The following KANSL1 variants were observed in gnomAD, a reference collection of about 807,000 sequenced individuals.
KANSL1 encodes the protein MLL1/MLL complex subunit KANSL1.
KANSL1 carries 22 observed loss-of-function variants against 103.6 expected under a neutral mutation model. The observed-to-expected ratio is 0.21, with a 90% confidence interval of 0.15 to 0.30. The LOEUF is 0.30. KANSL1 is among the 10% of genes least tolerant of loss of function. The pLI is 1.00. For missense variants in KANSL1, 1,337 were observed against 1,399.8 expected, an observed-to-expected ratio of 0.96 and a Z score of 0.72; for synonymous variants, 600 against 527.6, an observed-to-expected ratio of 1.14 and a Z score of -1.88.
At chr17:46,051,066 G>A (rs1461057380) in intron 6 of KANSL1, among the ~76,000 whole-genome samples, 7 of 152,308 alleles carry the variant, frequency 4.6e-5, no homozygotes, top group Admixed American at 1.3e-4. Context: ...CGACCTTGAT[G>A]GTCCGCTAAG....
chr17:46,123,085 T>G (rs1188539386), intron 2 of KANSL1, among the ~76,000 whole-genome samples: 1 of 152,224 alleles, frequency 6.6e-6, no homozygotes, highest in African/African-American at 2.4e-5. Context: ...AGAAAAGAAT[T>G]TTTTTTAGAG....
At chr17:46,210,806 A>C (rs2048144918) in intron 1 of KANSL1, among the ~76,000 whole-genome samples, 1 of 152,252 alleles carries the variant, frequency 6.6e-6, no homozygotes, top group Non-Finnish European at 1.5e-5. Context: ...ACATTTGCAA[A>C]AACTAAGATT....
chr17:46,175,803 T>C (rs769645761), intron 1 of KANSL1, among the ~76,000 whole-genome samples: 2 of 152,246 alleles, frequency 1.3e-5, no homozygotes, highest in Non-Finnish European at 2.9e-5. Flanking sequence ...TATGTTGTCT[T>C]TTCCCATTTC....
intron 1 of KANSL1, among the ~76,000 whole-genome samples, chr17:46,211,623 A>G (rs182010641): frequency 7.9e-5 from 12 of 152,374 alleles, no homozygotes; most frequent in African/African-American, 2.9e-4. Flanking sequence ...CAATGCTGAC[A>G]AAGATCCTGG....
intron 6 of KANSL1, among the ~76,000 whole-genome samples, chr17:46,057,386 A>C (rs1461092036): frequency 1.3e-5 from 2 of 152,198 alleles, no homozygotes; most frequent in Admixed American, 6.5e-5. Flanking sequence ...CTTCTGTACA[A>C]ACTGTACCTC....
intron 2 of KANSL1, among the ~76,000 whole-genome samples, chr17:46,100,753 G>A (rs2042278106): frequency 6.6e-6 from 1 of 152,154 alleles, no homozygotes; most frequent in Non-Finnish European, 1.5e-5. Flanking sequence ...TGGGAAATTT[G>A]TATGTCAATC....
intron 2 of KANSL1, among the ~76,000 whole-genome samples, chr17:46,153,436 GT>G (rs1296320000): frequency 3.9e-5 from 6 of 152,180 alleles, no homozygotes; most frequent in African/African-American, 1.2e-4. Flanking sequence ...GGATTAACTA[GT>G]AAATATATAA....
At chr17:46,103,068 T>C (rs913384533) in intron 2 of KANSL1, among the ~76,000 whole-genome samples, 3 of 152,354 alleles carry the variant, frequency 2.0e-5, no homozygotes, top group Admixed American at 6.5e-5. Flanking sequence ...AATGGTTATG[T>C]GGTTAGAACT....
chr17:46,203,023 G>A (rs2047853725), intron 1 of KANSL1, among the ~76,000 whole-genome samples: 1 of 152,204 alleles, frequency 6.6e-6, no homozygotes, highest in Admixed American at 6.5e-5. Context: ...CTAGAACTCA[G>A]GAGTTCGAGA....
At position 46,062,114 on chromosome 17, in the gene KANSL1, C is replaced by CAAAAAA. The variant is rs1192815524; in HGVS notation, c.1848+4422_1848+4423insTTTTTT. Among the ~76,000 whole-genome samples the CAAAAAA allele has an allele frequency of 2.2e-3, 83 of 37,076 alleles. 1 individual carries two copies. Among genetic ancestry groups the CAAAAAA allele is most frequent in the African/African-American group, 3.5e-3 (52 of 14,764 alleles). 24.3% of individuals were successfully genotyped at this position (37,076 alleles called of 152,430 possible). ...CTCAAAAAAAAAAAAAAAAAACAAA[C>CAAAAAA]AAACAAAAAAAAAAAAAAAACATGT... On this transcript the variant is annotated intron_variant, in intron 6 of 14. Coordinates refer to ENST00000432791, the MANE Select transcript of KANSL1 (RefSeq NM_015443.4).
At chr17:46,050,408 A>C (rs1346853468) in intron 7 of KANSL1, 125 bp downstream of exon 7, 1 of 958,688 alleles carries the variant, frequency 1.0e-6, no homozygotes. Flanking sequence ...CTAAGAGAAG[A>C]CTTGGTTGAC....
At chr17:46,086,100 T>C (rs775565850) in intron 3 of KANSL1, among the ~76,000 whole-genome samples, 3 of 152,256 alleles carry the variant, frequency 2.0e-5, no homozygotes, top group African/African-American at 7.2e-5. Flanking sequence ...ATAATAATTA[T>C]AGCCAGAAGA....
intron 2 of KANSL1, among the ~76,000 whole-genome samples, chr17:46,121,779 T>C (rs2043291495): frequency 6.6e-6 from 1 of 152,200 alleles, no homozygotes; most frequent in Admixed American, 6.5e-5. Context: ...CTCCTCAACT[T>C]ACAATGGGGG....
At chr17:46,213,749 C>T (rs2048248612) in intron 1 of KANSL1, among the ~76,000 whole-genome samples, 1 of 151,768 alleles carries the variant, frequency 6.6e-6, no homozygotes, top group African/African-American at 2.4e-5. Flanking sequence ...GAAACCCTGT[C>T]TCTACTAAAA....
At chr17:46,116,389 G>A (rs143428671) in intron 2 of KANSL1, among the ~76,000 whole-genome samples, 2,578 of 152,232 alleles carry the variant, frequency 0.017, 77 homozygotes, top group African/African-American at 0.056. Flanking sequence ...AATTAGCCGG[G>A]CGTGGTGGTG....
intron 2 of KANSL1, among the ~76,000 whole-genome samples, chr17:46,159,660 C>T (rs1025158662): frequency 1.3e-5 from 2 of 152,220 alleles, no homozygotes; most frequent in African/African-American, 4.8e-5. Flanking sequence ...CCTGTAAGCA[C>T]AAGTTAAGAA....
At chr17:46,062,355 CTT>C (rs34577730) in intron 6 of KANSL1, among the ~76,000 whole-genome samples, 7 of 95,456 alleles carry the variant, frequency 7.3e-5, no homozygotes, top group Admixed American at 2.8e-4. Context: ...ATAACAACAG[CTT>C]TTTTTTTTTT....
intron 1 of KANSL1, among the ~76,000 whole-genome samples, chr17:46,190,703 A>G (rs1471267374): frequency 6.6e-6 from 1 of 152,276 alleles, no homozygotes; most frequent in Non-Finnish European, 1.5e-5. Flanking sequence ...AGTTCAAAAA[A>G]TAAAAAGTCA....
rs2077031036 is a variant in KANSL1, at chr17:46,032,236, G to C, written c.2901C>G (p.Pro967=). The C allele has an allele frequency of 1.9e-6, 3 of 1,574,202 alleles. No individual in the cohort carries two copies. The highest frequency in any genetic ancestry group is 2.6e-6 in the Non-Finnish European group (3 of 1,156,932). The change falls in exon 14 of 15, where the codon CCC becomes CCG. Residue 967 remains proline (P), a synonymous_variant. Transcript: ENST00000432791. ...PQLGSANPST[P]QPASPDVSSS... ...TGCTGACATCAGGGGAGGCAGGCTG[G>C]GGGGTGGAGGGGTTGGCACTGCCCA...
Sources: allele counts gnomAD v4.1 joint callset (sites outside exome capture counted in the v4.1 genomes callset), GRCh38; gene constraint gnomAD v4.1.1; transcripts MANE v1.5; gene names NCBI Gene and HGNC (gene_info 2026-07-23, HGNC 2026-07-21).